Variants in TENM2 observed in about 807,000 individuals in gnomAD.
The protein encoded by TENM2 is teneurin-2.
A neutral mutation model predicts 245.2 loss-of-function variants in TENM2; 52 were observed. That is an observed-to-expected ratio of 0.21 (90% confidence interval 0.17 to 0.27). The LOEUF (loss-of-function observed/expected upper bound fraction) is 0.27. Ranked by LOEUF, TENM2 falls within the 10% of genes least tolerant of loss-of-function variation. The pLI is 1.00. For synonymous variants in TENM2, 1,363 were observed against 1,438.9 expected, an observed-to-expected ratio of 0.95 and a Z score of 1.19; for missense variants, 3,046 against 3,666.8, an observed-to-expected ratio of 0.83 and a Z score of 4.37.
At chr5:167,682,232 G>A (rs557978109) in intron 2 of TENM2, among the ~76,000 whole-genome samples, 14 of 151,188 alleles carry the variant, frequency 9.3e-5, no homozygotes, top group South Asian at 6.3e-4. Flanking sequence ...GCATGATCTC[G>A]GCTCACTGCA....
At chr5:167,109,502 A>G in the TENM2 span, among the ~76,000 whole-genome samples, 1 of 152,224 alleles carries the variant, frequency 6.6e-6, no homozygotes, top group Non-Finnish European at 1.5e-5. Context: ...TGGCTTACCT[A>G]AATTCAAATG....
the TENM2 span, among the ~76,000 whole-genome samples, chr5:167,008,708 TAGG>T: frequency 2.6e-5 from 4 of 152,142 alleles, no homozygotes; most frequent in Non-Finnish European, 5.9e-5. Flanking sequence ...AGATACCATC[TAGG>T]AGGAGAGGCA....
At chr5:168,215,112 C>T (rs751662593) in exon 21 of TENM2, 1 of 1,613,742 alleles carries the variant, frequency 6.2e-7, no homozygotes, top group Non-Finnish European at 8.5e-7. Flanking sequence ...CCGACACCAA[C>T]AGCAGGAGAA....
the TENM2 span, among the ~76,000 whole-genome samples, chr5:166,985,493 A>C: frequency 6.6e-6 from 1 of 152,166 alleles, no homozygotes; most frequent in African/African-American, 2.4e-5. Flanking sequence ...TAATTATTAG[A>C]AAAGCATTTC....
intron 4 of TENM2, among the ~76,000 whole-genome samples, chr5:167,986,631 G>A (rs1277960346): frequency 6.6e-6 from 1 of 152,122 alleles, no homozygotes; most frequent in Non-Finnish European, 1.5e-5. Flanking sequence ...AATTCTGAGA[G>A]CAATTGAGTT....
intron 2 of TENM2, among the ~76,000 whole-genome samples, chr5:167,872,548 GAGAAAGAAAGAA>G (rs144381538): frequency 6.1e-5 from 4 of 65,438 alleles, no homozygotes; most frequent in African/African-American, 8.9e-5. Flanking sequence ...AAGAAAGAAA[GAGAAAGAAAGAA>G]AGAAAGAAAG....
the TENM2 span, among the ~76,000 whole-genome samples, chr5:167,250,036 G>A: frequency 1.3e-5 from 2 of 152,154 alleles, no homozygotes; most frequent in Non-Finnish European, 2.9e-5. Context: ...TAACTAAAGT[G>A]TACAGACCTT....
At chr5:167,578,987 G>T (rs966602068) in intron 2 of TENM2, among the ~76,000 whole-genome samples, 1 of 152,160 alleles carries the variant, frequency 6.6e-6, no homozygotes, top group Non-Finnish European at 1.5e-5. Context: ...TATTCAGGTG[G>T]ACACGGTCAC....
rs1759950727 is a variant in TENM2 at position 167,364,920 on chromosome 5, G to A, written c.227-10278G>A. ...GAAAAAATATCTAGACAGAAATATA[G>A]GATATAGAGAATTTGAAAAACGTTG... On this transcript the variant is annotated intron_variant, in intron 1 of 28. Transcript: ENST00000518659. Among the ~76,000 whole-genome samples, 6 of 151,808 alleles carry A rather than the reference G, an allele frequency of 4.0e-5. No individual in the cohort carries two copies. The South Asian group carries it at 1.2e-3, about 32-fold the overall frequency.
chr5:167,711,367 T>C (rs1175261499), intron 2 of TENM2, among the ~76,000 whole-genome samples: 1 of 152,182 alleles, frequency 6.6e-6, no homozygotes, highest in Non-Finnish European at 1.5e-5. Context: ...TTTAAATGTT[T>C]GACATTCATT....
intron 5 of TENM2, among the ~76,000 whole-genome samples, chr5:168,046,886 G>T (rs1432219931): frequency 6.6e-6 from 1 of 152,198 alleles, no homozygotes; most frequent in Non-Finnish European, 1.5e-5. Context: ...AGGTGGGCCA[G>T]TACCACTATA....
At chr5:167,881,611 A>C (rs1773885748) in intron 3 of TENM2, among the ~76,000 whole-genome samples, 3 of 152,338 alleles carry the variant, frequency 2.0e-5, no homozygotes, top group South Asian at 4.1e-4. Flanking sequence ...CTTTGACTCC[A>C]GGTTCTTCCC....
At chr5:167,380,324 A>T (rs535111799) in intron 2 of TENM2, among the ~76,000 whole-genome samples, 1 of 152,280 alleles carries the variant, frequency 6.6e-6, no homozygotes, top group Admixed American at 6.5e-5. Flanking sequence ...ACATTGTCAC[A>T]TGGCATGATA....
the TENM2 span, among the ~76,000 whole-genome samples, chr5:167,082,019 T>C: frequency 1.5e-3 from 231 of 152,304 alleles, 2 homozygotes; most frequent in East Asian, 0.038. Context: ...TGACTGCTCT[T>C]AAACTCGACA....
chr5:167,304,625 A>AT (rs1039471855), intron 1 of TENM2, among the ~76,000 whole-genome samples: 6 of 151,590 alleles, frequency 4.0e-5, no homozygotes, highest in East Asian at 1.9e-4. Flanking sequence ...AAACTGTGTG[A>AT]TTTTTTTTCT....
chr5:167,978,388 A>G lies in TENM2; in HGVS notation c.948-14556A>G, dbSNP rs372968534. ...AACCCAAACGTTCATCAATGGATGA[A>G]TGAATAAAGAAAAAGTGTACACACA... On this transcript the variant is annotated intron_variant, in intron 4 of 28. Coordinates refer to ENST00000518659, the Ensembl canonical transcript of TENM2. 6.6e-5 allele frequency among the ~76,000 whole-genome samples: 10 copies of G among 152,360 alleles called. No individual in the cohort carries two copies. The South Asian group carries it at 2.1e-3, about 32-fold the overall frequency.
At chr5:167,473,992 T>C (rs1006232810) in intron 2 of TENM2, among the ~76,000 whole-genome samples, 2 of 152,126 alleles carry the variant, frequency 1.3e-5, no homozygotes, top group Non-Finnish European at 2.9e-5. Context: ...TGATATTCAG[T>C]TTTCCATCTG....
chr5:167,579,740 C>T (rs1050355663), intron 2 of TENM2, among the ~76,000 whole-genome samples: 1 of 152,148 alleles, frequency 6.6e-6, no homozygotes, highest in African/African-American at 2.4e-5. Flanking sequence ...GCCTGATGGT[C>T]AAAGACAGTT....
At position 167,779,388 on chromosome 5, in the gene TENM2, T is replaced by C. The variant is rs1253732492; in HGVS notation, c.503-96598T>C. Among the ~76,000 whole-genome samples, 5 of 152,314 alleles carry C rather than the reference T, an allele frequency of 3.3e-5. No individual in the cohort carries two copies. The East Asian group carries it at 9.7e-4, about 29-fold the overall frequency. On this transcript the variant is annotated intron_variant, in intron 2 of 28. Transcript: ENST00000518659. ...AGATAGTATTAGAAGATATATTTAT[T>C]GTCCTACCAACCAAGAACCTCTCTA...
Sources: allele counts gnomAD v4.1 joint callset (sites outside exome capture counted in the v4.1 genomes callset), GRCh38; gene constraint gnomAD v4.1.1; transcripts MANE v1.5; gene names NCBI Gene and HGNC (gene_info 2026-07-23, HGNC 2026-07-21).